Variants in ARL8B observed in about 807,000 individuals in gnomAD.
The protein encoded by ARL8B is ARF like GTPase 8B.
A neutral mutation model predicts 30.6 loss-of-function variants in ARL8B; 9 were observed. The ratio of observed to expected loss-of-function variants is 0.29; its 90% confidence interval spans 0.18 to 0.51. ARL8B has a LOEUF of 0.51. Among genes scored for constraint, ARL8B ranks in the 20% least tolerant of loss-of-function variants. The pLI, the probability that ARL8B is intolerant of heterozygous loss-of-function variation, is 0.97. For synonymous variants in ARL8B, 74 were observed against 76.0 expected, an observed-to-expected ratio of 0.97 and a Z score of 0.14; for missense variants, 130 against 227.2, an observed-to-expected ratio of 0.57 and a Z score of 2.75.
At chr3:5,158,486 G>A (rs972278657) in intron 1 of ARL8B, among the ~76,000 whole-genome samples, 5 of 152,214 alleles carry the variant, frequency 3.3e-5, no homozygotes, top group African/African-American at 9.6e-5. Flanking sequence ...CTGTGAGGTA[G>A]AGACTGTGGT....
At chr3:5,155,413 GCTT>G (rs1220939167) in intron 1 of ARL8B, among the ~76,000 whole-genome samples, 1 of 152,112 alleles carries the variant, frequency 6.6e-6, no homozygotes, top group African/African-American at 2.4e-5. Flanking sequence ...AGTTTGATGA[GCTT>G]CTTGGATGTT....
chr3:5,132,753 G>A (rs1255030083), intron 1 of ARL8B, among the ~76,000 whole-genome samples: 1 of 152,148 alleles, frequency 6.6e-6, no homozygotes, highest in Non-Finnish European at 1.5e-5. Flanking sequence ...TTTAAACTAG[G>A]TGCAAGGCAT....
chr3:5,169,128 T>G (rs907398376), intron 1 of ARL8B, among the ~76,000 whole-genome samples: 12 of 152,210 alleles, frequency 7.9e-5, no homozygotes, highest in Non-Finnish European at 1.3e-4. Context: ...TTAGTCATTT[T>G]TAAGTGTGCA....
chr3:5,163,506 T>A (rs1402767078), intron 1 of ARL8B, among the ~76,000 whole-genome samples: 1 of 152,176 alleles, frequency 6.6e-6, no homozygotes, highest in African/African-American at 2.4e-5. Flanking sequence ...TGGGAGAAAA[T>A]GAACATTGTA....
rs1410525915 is a variant in ARL8B at position 5,174,350 on chromosome 3, G to A, written c.447G>A (p.Leu149=). ...DEKQLIEKMN[L]SAIQDREICC... ...CTTTTAATTCTTCTCATAGGAATCT[G>A]TCTGCTATTCAGGATAGAGAAATTT... The change falls in exon 6 of 7, where the codon CTG becomes CTA. Residue 149 remains leucine (L), a synonymous_variant. Coordinates refer to ENST00000256496, the MANE Select transcript of ARL8B (RefSeq NM_018184.3). 3 of 1,600,146 alleles carry A rather than the reference G, an allele frequency of 1.9e-6. No homozygotes were observed. Among genetic ancestry groups the A allele is most frequent in the Non-Finnish European group, 2.6e-6 (3 of 1,167,842 alleles).
chr3:5,150,308 C>G (rs1316644090), intron 1 of ARL8B, among the ~76,000 whole-genome samples: 1 of 151,694 alleles, frequency 6.6e-6, no homozygotes, highest in Non-Finnish European at 1.5e-5. Context: ...ACTAAAAATA[C>G]AAAAATTAGC....
At chr3:5,150,474 A>G (rs564924223) in intron 1 of ARL8B, among the ~76,000 whole-genome samples, 5 of 151,014 alleles carry the variant, frequency 3.3e-5, no homozygotes, top group African/African-American at 1.2e-4. Flanking sequence ...AAATAAATAA[A>G]TAAATAAATA....
chr3:5,156,973 A>G (rs1021923165), intron 1 of ARL8B: 1 of 151,954 alleles, frequency 6.6e-6, no homozygotes, highest in African/African-American at 2.4e-5. Context: ...TTCATTTTTC[A>G]GTTGTTTTGG....
chr3:5,147,245 C>T (rs1275443778), intron 1 of ARL8B, among the ~76,000 whole-genome samples: 1 of 152,120 alleles, frequency 6.6e-6, no homozygotes, highest in African/African-American at 2.4e-5. Flanking sequence ...GTTCAGTTCC[C>T]ACCTATGAGT....
At chr3:5,147,504 A>C (rs904000671) in intron 1 of ARL8B, among the ~76,000 whole-genome samples, 8 of 152,160 alleles carry the variant, frequency 5.3e-5, no homozygotes, top group Admixed American at 1.3e-4. Context: ...CACACTCGTA[A>C]CATCCACTCT....
At chr3:5,154,393 G>A (rs1231315825) in intron 1 of ARL8B, among the ~76,000 whole-genome samples, 10 of 150,942 alleles carry the variant, frequency 6.6e-5, no homozygotes, top group Non-Finnish European at 1.3e-4. Flanking sequence ...GGAGTGCACT[G>A]GTACGATCTT....
intron 1 of ARL8B, among the ~76,000 whole-genome samples, chr3:5,127,063 G>A (rs1311825185): frequency 4.6e-5 from 7 of 152,172 alleles, no homozygotes; most frequent in African/African-American, 1.7e-4. Flanking sequence ...CTGAGAATTA[G>A]GAAAAGAAGA....
chr3:5,154,829 G>C (rs2054518163), intron 1 of ARL8B, among the ~76,000 whole-genome samples: 1 of 152,204 alleles, frequency 6.6e-6, no homozygotes, highest in South Asian at 2.1e-4. Flanking sequence ...TCCTGTCTCA[G>C]CCTTCTGAGT....
At chr3:5,133,442 A>G (rs1307384334) in intron 1 of ARL8B, among the ~76,000 whole-genome samples, 1 of 152,212 alleles carries the variant, frequency 6.6e-6, no homozygotes, top group African/African-American at 2.4e-5. Context: ...AAAGGTACGC[A>G]TTATTATGGA....
chr3:5,122,425 C>T lies in ARL8B; in HGVS notation c.-41C>T, dbSNP rs747471257. 1.9e-6 allele frequency: 3 copies of T among 1,610,068 alleles called. No individual in the cohort carries two copies. The African/African-American group carries it at 4.0e-5, about 22-fold the overall frequency. On this transcript the variant is annotated 5_prime_UTR_variant, in exon 1 of 7. Coordinates refer to ENST00000256496, the MANE Select transcript of ARL8B (RefSeq NM_018184.3). ...CGTGTGGAAGTCGTCGACGCCGCCGCTCGTCCGTCCTCCCGTCCGTTCTCG... is the reference window on the plus strand; with the variant it reads ...CGTGTGGAAGTCGTCGACGCCGCCGTTCGTCCGTCCTCCCGTCCGTTCTCG...
At chr3:5,174,989 G>A (rs1467066120) in intron 6 of ARL8B, among the ~76,000 whole-genome samples, 1 of 151,464 alleles carries the variant, frequency 6.6e-6, no homozygotes, top group African/African-American at 2.4e-5. Flanking sequence ...TTTCAGTAGC[G>A]ACAGGGTTTC....
rs1210239986 is a variant in ARL8B, at chr3:5,180,042, T to C, written c.*1329T>C. The C allele has an allele frequency of 6.5e-6, 1 of 152,690 alleles. No individual in the cohort carries two copies. Among genetic ancestry groups the C allele is most frequent in the Non-Finnish European group, 1.5e-5 (1 of 68,044 alleles). The allele number at this position is 152,690 out of a possible 1,614,324, so 9.5% of individuals were successfully genotyped here. On this transcript the variant is annotated 3_prime_UTR_variant, in exon 7 of 7. Transcript: ENST00000256496. The stretch of plus-strand genomic sequence containing the variant: ...TAGACCACTGTAGTAGATAAAACTC[T>C]ATGGTACACCTGCTTATGTGTTGCC...
At chr3:5,126,690 G>C (rs79938010) in intron 1 of ARL8B, among the ~76,000 whole-genome samples, 64 of 152,240 alleles carry the variant, frequency 4.2e-4, no homozygotes, top group African/African-American at 1.5e-3. Context: ...TTTATGTAGA[G>C]ACACTTGATA....
At position 5,172,567 on chromosome 3, in the gene ARL8B, A is replaced by G. The variant is rs2054685922; in HGVS notation, c.279-80A>G. ...TAATTTCAATAATGTAAATCTTACA[A>G]AAATTAAAAATCAATAATACTAGTT... On this transcript the variant is annotated intron_variant, in intron 3 of 6. Coordinates refer to ENST00000256496, the MANE Select transcript of ARL8B (RefSeq NM_018184.3). The G allele has an allele frequency of 4.0e-6, 4 of 991,408 alleles. No homozygotes were observed. In the Admixed American group the frequency reaches 6.8e-5, roughly 17 times the overall value. The allele number at this position is 991,408 out of a possible 1,614,324, so 61.4% of individuals were successfully genotyped here.
Sources: gnomAD v4.1 joint callset for allele counts (sites outside exome capture counted in the v4.1 genomes callset) on GRCh38, gnomAD v4.1.1 for gene constraint, MANE v1.5 for transcripts, NCBI Gene and HGNC (gene_info 2026-07-23, HGNC 2026-07-21) for gene names.